TMEM131L: variants seen among roughly 807,000 people sequenced by gnomAD.
The protein encoded by TMEM131L is transmembrane 131 like.
Under a neutral mutation model 192.2 loss-of-function variants are expected in TMEM131L, and 54 were observed. The observed-to-expected ratio is 0.28, with a 90% CI of 0.23 to 0.35. The LOEUF (loss-of-function observed/expected upper bound fraction) is 0.35, where lower values mean the gene tolerates loss of function less well. Among genes scored for constraint, TMEM131L ranks in the 10% least tolerant of loss-of-function variants. The pLI, the probability that TMEM131L is intolerant of heterozygous loss-of-function variation, is 1.00. For synonymous variants in TMEM131L, 701 were observed against 704.9 expected, an observed-to-expected ratio of 0.99 and a Z score of 0.09; for missense variants, 1,888 against 1,972.9, an observed-to-expected ratio of 0.96 and a Z score of 0.82.
At chr4:153,482,135 T>G (rs1369412928) in intron 3 of TMEM131L, among the ~76,000 whole-genome samples, 1 of 152,228 alleles carries the variant, frequency 6.6e-6, no homozygotes, top group African/African-American at 2.4e-5. Context: ...TACACCACCG[T>G]GCCTGGCAGA....
chr4:153,598,330 G>A lies in TMEM131L; in HGVS notation c.2124-260G>A, dbSNP rs564115411. 3.3e-5 allele frequency among the ~76,000 whole-genome samples: 5 copies of A among 152,214 alleles called. No homozygotes were observed. In the South Asian group the frequency reaches 1.0e-3, roughly 32 times the overall value. ...AGGCTACATGTGTGGGCTGTGGTTG[G>A]AAGGGGGTCATCATTGTTTACATGT... On this transcript the variant is annotated intron_variant, in intron 20 of 34. Transcript: ENST00000409959.
intron 3 of TMEM131L, among the ~76,000 whole-genome samples, chr4:153,542,687 C>T (rs1736881448): frequency 6.6e-6 from 1 of 152,162 alleles, no homozygotes; most frequent in Non-Finnish European, 1.5e-5. Flanking sequence ...TATGGTTTGG[C>T]TTCAAAGGGA....
intron 3 of TMEM131L, among the ~76,000 whole-genome samples, chr4:153,508,277 G>A (rs1463244198): frequency 7.2e-5 from 11 of 152,236 alleles, no homozygotes; most frequent in Admixed American, 2.0e-4. Context: ...TACTGCATGC[G>A]TATAATATTT....
At chr4:153,623,578 A>G (rs993955861) in intron 29 of TMEM131L, among the ~76,000 whole-genome samples, 4 of 152,224 alleles carry the variant, frequency 2.6e-5, no homozygotes, top group Admixed American at 2.0e-4. Flanking sequence ...TACTCTGGCT[A>G]TCTTATGTAA....
At chr4:153,510,170 TG>T (rs1166614252) in intron 3 of TMEM131L, among the ~76,000 whole-genome samples, 5 of 152,172 alleles carry the variant, frequency 3.3e-5, no homozygotes, top group Non-Finnish European at 5.9e-5. Flanking sequence ...TTTTTTGGTA[TG>T]CTTCCCTATC....
At chr4:153,605,699 C>T (rs905387955) in intron 25 of TMEM131L, among the ~76,000 whole-genome samples, 2 of 152,172 alleles carry the variant, frequency 1.3e-5, no homozygotes. Flanking sequence ...AACTCAGTCA[C>T]CTTTTGTCTT....
intron 20 of TMEM131L, among the ~76,000 whole-genome samples, chr4:153,597,816 C>T (rs536244281): frequency 3.3e-5 from 5 of 152,032 alleles, no homozygotes; most frequent in Non-Finnish European, 5.9e-5. Context: ...GCCTGTTGTC[C>T]CAGCTACTTG....
intron 3 of TMEM131L, among the ~76,000 whole-genome samples, chr4:153,547,809 A>G (rs1022796553): frequency 6.6e-6 from 1 of 152,150 alleles, no homozygotes; most frequent in Non-Finnish European, 1.5e-5. Context: ...TCTGGATTGG[A>G]ATTTGGGCTC....
intron 3 of TMEM131L, among the ~76,000 whole-genome samples, chr4:153,523,468 G>A (rs1289017115): frequency 2.0e-5 from 3 of 152,194 alleles, no homozygotes; most frequent in Admixed American, 6.5e-5. Flanking sequence ...AAGGGAAATA[G>A]CACTACATTG....
Position 153,634,265 on chromosome 4 carries a change from A to C in TMEM131L, c.4402A>C (p.Asn1468His), listed in dbSNP as rs1193077432. 1 of 1,613,562 alleles carries C rather than the reference A, an allele frequency of 6.2e-7. No homozygotes were observed. Among genetic ancestry groups the C allele is most frequent in the Non-Finnish European group, 8.5e-7 (1 of 1,179,664 alleles). ...CTGTCCATTGGAATTGAACGATTAC[A>C]ATGCCTTTCCAGAAGGTAAGGGCTC... ...AYCPLELNDYNAFPEENMNYA... is the reference protein window; with the variant it reads ...AYCPLELNDYHAFPEENMNYA... Residue 1468 changes from asparagine (N) to histidine (H), a missense_variant, in exon 33 of 35, where the codon AAT becomes CAT. Coordinates refer to ENST00000409959, the MANE Select transcript of TMEM131L (RefSeq NM_001131007.2).
intron 3 of TMEM131L, among the ~76,000 whole-genome samples, chr4:153,508,572 A>G (rs181953035): frequency 2.1e-4 from 32 of 152,250 alleles, no homozygotes; most frequent in Admixed American, 2.0e-3. Flanking sequence ...TCACATCTGT[A>G]TCGTTGATAA....
intron 29 of TMEM131L, among the ~76,000 whole-genome samples, chr4:153,624,253 G>C (rs900236121): frequency 2.6e-5 from 4 of 151,922 alleles, no homozygotes; most frequent in Non-Finnish European, 4.4e-5. Flanking sequence ...CAAGTAGCTG[G>C]GGTTACAGGC....
chr4:153,587,830 G>A lies in TMEM131L; in HGVS notation c.1552+19G>A, dbSNP rs371531019. On this transcript the variant is annotated intron_variant, in intron 15 of 34. Transcript: ENST00000409959. ...AAAGCAGGTAAGTATTTTGCCCTTA[G>A]GCTTTCTGTAGATCTCTAGTTTGGG... 6.3e-7 allele frequency: 1 copy of A among 1,577,544 alleles called. No individual in the cohort carries two copies. Among genetic ancestry groups the A allele is most frequent in the Non-Finnish European group, 8.7e-7 (1 of 1,146,752 alleles).
Position 153,490,509 on chromosome 4 carries a change from G to A in TMEM131L, c.239+16621G>A, listed in dbSNP as rs184618375. Among the ~76,000 whole-genome samples, 59 of 152,248 alleles carry A rather than the reference G, an allele frequency of 3.9e-4. 1 individual carries two copies. The highest frequency in any genetic ancestry group is 1.2e-3 in the African/African-American group (50 of 41,540). ...GAAAGTATGTTTAGGGAGCTGGGAAGGGGTTTCATTAATTCACCACTTTCA... is the reference window on the plus strand; with the variant it reads ...GAAAGTATGTTTAGGGAGCTGGGAAAGGGTTTCATTAATTCACCACTTTCA... On this transcript the variant is annotated intron_variant, in intron 3 of 34. Coordinates refer to ENST00000409959, the MANE Select transcript of TMEM131L (RefSeq NM_001131007.2).
chr4:153,470,127 C>G (rs1263981462), intron 2 of TMEM131L, among the ~76,000 whole-genome samples: 1 of 151,778 alleles, frequency 6.6e-6, no homozygotes, highest in Admixed American at 6.6e-5. Flanking sequence ...CTGTCAGAAC[C>G]TCTGGCCAGG....
At chr4:153,536,226 G>A (rs945854026) in intron 3 of TMEM131L, among the ~76,000 whole-genome samples, 2 of 152,196 alleles carry the variant, frequency 1.3e-5, no homozygotes, top group African/African-American at 2.4e-5. Flanking sequence ...GGCAGAGGGA[G>A]TGAGGGCCTG....
At chr4:153,602,799 G>GA in intron 23 of TMEM131L, 72 bp downstream of exon 23, 1 of 1,346,998 alleles carries the variant, frequency 7.4e-7, no homozygotes, top group South Asian at 1.3e-5. Flanking sequence ...GTGAAAACGT[G>GA]AACTGCCCGA....
intron 34 of TMEM131L, 44 bp downstream of exon 34, chr4:153,635,615 G>C: frequency 6.2e-7 from 1 of 1,606,222 alleles, no homozygotes; most frequent in Non-Finnish European, 8.5e-7. Flanking sequence ...GGGCAGCTCT[G>C]AATTGTTTCC....
intron 3 of TMEM131L, among the ~76,000 whole-genome samples, chr4:153,518,068 G>T (rs2150125157): frequency 6.6e-6 from 1 of 152,116 alleles, no homozygotes; most frequent in East Asian, 1.9e-4. Context: ...TGAACAGACA[G>T]AAAATTTCCA....
Sources: gnomAD v4.1 joint callset for allele counts (sites outside exome capture counted in the v4.1 genomes callset) on GRCh38, gnomAD v4.1.1 for gene constraint, MANE v1.5 for transcripts, NCBI Gene and HGNC (gene_info 2026-07-23, HGNC 2026-07-21) for gene names.